Variants in PDCD11 observed in about 807,000 individuals in gnomAD.
PDCD11 encodes the protein protein RRP5 homolog.
A neutral mutation model predicts 198.9 loss-of-function variants in PDCD11; 97 were observed. The observed-to-expected ratio is 0.49, with a 90% CI of 0.41 to 0.58. The LOEUF (loss-of-function observed/expected upper bound fraction) is 0.58, where lower values mean the gene tolerates loss of function less well. Ranked by LOEUF, PDCD11 falls within the 20% of genes least tolerant of loss-of-function variation. The pLI is 0.00. For missense variants in PDCD11, 2,102 were observed against 2,312.7 expected, an observed-to-expected ratio of 0.91 and a Z score of 1.87; for synonymous variants, 893 against 918.0, an observed-to-expected ratio of 0.97 and a Z score of 0.49.
In PDCD11 at chr10:103,413,237, T is replaced by C. The variant is rs768310017; in HGVS notation, c.1100T>C (p.Val367Ala). Residue 367 changes from valine (V) to alanine (A), a missense_variant, in exon 9 of 36, where the codon GTG (valine) becomes GCG (alanine). Transcript: ENST00000369797. ...CTCTCTTGCCAGAACCTTGGAGCAGTGCTGGATGATGTTCCTGTCCAGGGT... is the reference window on the plus strand; with the variant it reads ...CTCTCTTGCCAGAACCTTGGAGCAGCGCTGGATGATGTTCCTGTCCAGGGT... The part of the protein sequence containing the change: ...TRLSCQNLGA[V>A]LDDVPVQGFF... 1.9e-6 allele frequency: 3 copies of C among 1,614,020 alleles called. No individual in the cohort carries two copies. Among genetic ancestry groups the C allele is most frequent in the Non-Finnish European group, 2.5e-6 (3 of 1,180,010 alleles).
At position 103,413,953 on chromosome 10, in the gene PDCD11, T is replaced by G. The variant is rs2030950735; in HGVS notation, c.1186-13T>G. Reference sequence around the variant, plus strand: ...TGTCCCTGGCTTATCCTCAATCACTTGGTACTTTGCAGCTCAGCCATCTCT... The same window carrying G: ...TGTCCCTGGCTTATCCTCAATCACTGGGTACTTTGCAGCTCAGCCATCTCT... On this transcript the variant is annotated splice_polypyrimidine_tract_variant and intron_variant, in intron 9 of 35. Coordinates refer to ENST00000369797, the MANE Select transcript of PDCD11 (RefSeq NM_014976.2). The G allele has an allele frequency of 3.7e-6, 6 of 1,603,784 alleles. No homozygotes were observed. The highest frequency in any genetic ancestry group is 1.1e-5 in the South Asian group (1 of 89,470).
In PDCD11 at chr10:103,417,806, C is replaced by T. The variant is rs1194268294; in HGVS notation, c.1785C>T (p.Val595=). 13 of 1,613,618 alleles carry T rather than the reference C, an allele frequency of 8.1e-6. No individual in the cohort carries two copies. Among genetic ancestry groups the T allele is most frequent in the East Asian group, 4.5e-5 (2 of 44,868 alleles). Residue 595 remains valine (V), a synonymous_variant, in exon 14 of 36, where the codon GTC becomes GTT. Transcript: ENST00000369797. ...VFYTGQVVKV[V]VLNCEPSKER... ...TTTCTTGCCAGGTGGTGAAGGTTGT[C>T]GTATTGAACTGTGAGCCATCCAAAG...
chr10:103,442,577 A>AGG, intron 32 of PDCD11, 117 bp downstream of exon 32: 2 of 1,114,372 alleles, frequency 1.8e-6, no homozygotes, highest in Admixed American at 4.3e-5. Context: ...GGCTGCCACC[A>AGG]GGGGCCCATG....
At chr10:103,444,423 C>T in intron 34 of PDCD11, 94 bp from the exon 35 acceptor site, 1 of 1,230,334 alleles carries the variant, frequency 8.1e-7, no homozygotes, top group Non-Finnish European at 1.2e-6. Flanking sequence ...GACCCAAGAG[C>T]AGGGAGTCAG....
intron 35 of PDCD11, among the ~76,000 whole-genome samples, chr10:103,445,067 C>T (rs990963692): frequency 2.0e-5 from 3 of 152,204 alleles, no homozygotes; most frequent in Admixed American, 6.5e-5. Context: ...CCAAGCCCTT[C>T]ACTATGTATG....
intron 3 of PDCD11, among the ~76,000 whole-genome samples, chr10:103,402,788 C>A (rs555644309): frequency 2.0e-5 from 3 of 152,322 alleles, no homozygotes. Flanking sequence ...GTTGCCAAGG[C>A]TGGAGTGCAG....
chr10:103,414,560 T>C lies in PDCD11; in HGVS notation c.1371+230T>C, dbSNP rs141953936. On this transcript the variant is annotated intron_variant, in intron 11 of 35. Coordinates refer to ENST00000369797, the MANE Select transcript of PDCD11 (RefSeq NM_014976.2). ...CTACACAAAGGCAGTAGATCATAAATCCTGAGATTTGGGATTTGATGGTGG... is the reference window on the plus strand; with the variant it reads ...CTACACAAAGGCAGTAGATCATAAACCCTGAGATTTGGGATTTGATGGTGG... Among the ~76,000 whole-genome samples, 16 of 152,314 alleles carry C rather than the reference T, an allele frequency of 1.1e-4. No individual in the cohort carries two copies. The East Asian group carries it at 3.1e-3, about 29-fold the overall frequency.
rs778644899 is a variant in PDCD11, at chr10:103,405,037, C to T, written c.418C>T (p.Pro140Ser). 6.8e-6 allele frequency: 11 copies of T among 1,613,792 alleles called. No individual in the cohort carries two copies. The highest frequency in any genetic ancestry group is 1.3e-5 in the African/African-American group (1 of 74,884). Residue 140 changes from proline to serine, a missense_variant, in exon 5 of 36, where the codon CCT becomes TCT. By Grantham distance (74) the Pro-to-Ser change is moderately conservative. Transcript: ENST00000369797. ...EQPLKDLLHL[P>S]ELFSPGMLVR... The stretch of plus-strand genomic sequence containing the variant: ...TGTTATGCAGGACCTACTTCACTTG[C>T]CTGAACTTTTCTCACCTGGAATGCT...
At chr10:103,430,383 G>A (rs192147904) in intron 21 of PDCD11, among the ~76,000 whole-genome samples, 1 of 152,340 alleles carries the variant, frequency 6.6e-6, no homozygotes, top group East Asian at 1.9e-4. Context: ...CATTTAGGTT[G>A]CTTGTGCCTC....
chr10:103,417,652 T>A (rs967514099), intron 13 of PDCD11, 140 bp from the exon 14 acceptor site: 1 of 850,302 alleles, frequency 1.2e-6, no homozygotes, highest in Non-Finnish European at 1.9e-6. Context: ...TCAGTGCATT[T>A]CTTCTTTTCA....
chr10:103,421,316 T>C (rs1195026075), intron 16 of PDCD11, 32 bp from the exon 17 acceptor site: 3 of 1,540,888 alleles, frequency 1.9e-6, no homozygotes, highest in Non-Finnish European at 2.7e-6. Context: ...AGACCTTTCC[T>C]CTTCTCATCT....
chr10:103,428,286 C>A (rs1161288722), intron 21 of PDCD11, among the ~76,000 whole-genome samples: 1 of 144,710 alleles, frequency 6.9e-6, no homozygotes, highest in Admixed American at 7.0e-5. Context: ...GCCTGGGCAA[C>A]AAGAGCGAAA....
In PDCD11 at chr10:103,409,780, G is replaced by A. The variant is rs1466297105; in HGVS notation, c.952G>A (p.Ala318Thr). ...CTTTATGCACCTGGATCCCAAGAAA[G>A]CTGGAACATATTTCTCAAATCAGGC... ...VDFMHLDPKKAGTYFSNQAVR... is the reference protein window; with the variant it reads ...VDFMHLDPKKTGTYFSNQAVR... The change falls in exon 8 of 36, where the codon GCT becomes ACT. Residue 318 changes from alanine (A) to threonine (T), a missense_variant. Ala to Thr is a moderately conservative substitution (Grantham distance 58, BLOSUM62 0). Coordinates refer to ENST00000369797, the MANE Select transcript of PDCD11 (RefSeq NM_014976.2). 1 of 1,613,416 alleles carries A rather than the reference G, an allele frequency of 6.2e-7. No individual in the cohort carries two copies. Among genetic ancestry groups the A allele is most frequent in the Admixed American group, 1.7e-5 (1 of 60,016 alleles).
intron 7 of PDCD11, among the ~76,000 whole-genome samples, chr10:103,409,273 C>G (rs1370241548): frequency 6.6e-6 from 1 of 151,536 alleles, no homozygotes; most frequent in Non-Finnish European, 1.5e-5. Flanking sequence ...ATAAGGGTGA[C>G]TTGGCTTGCT....
intron 1 of PDCD11, 58 bp from the exon 2 acceptor site, chr10:103,398,358 C>G: frequency 9.3e-7 from 1 of 1,070,550 alleles, no homozygotes; most frequent in Non-Finnish European, 1.5e-6. Context: ...TTGATAACAC[C>G]TTTCTGAAAT....
chr10:103,438,134 A>G lies in PDCD11; in HGVS notation c.3902+63A>G, dbSNP rs953045310. On this transcript the variant is annotated intron_variant, in intron 26 of 35. Transcript: ENST00000369797. ...ACCCACTCAGGATCAAGGGGAGGCT[A>G]CGTGTATCTGACACAGAATTTTGGG... 3.6e-6 allele frequency: 5 copies of G among 1,370,976 alleles called. No homozygotes were observed. The African/African-American group carries it at 4.3e-5, about 12-fold the overall frequency. The allele number at this position is 1,370,976 out of a possible 1,614,324, so 84.9% of individuals were successfully genotyped here. A position where few individuals can be genotyped will look rare whatever the true frequency, so the allele number is the denominator to read the frequency against.
chr10:103,419,202 G>A (rs953357338), intron 15 of PDCD11, among the ~76,000 whole-genome samples: 2 of 152,170 alleles, frequency 1.3e-5, no homozygotes, highest in African/African-American at 2.4e-5. Context: ...AGACCAGGGG[G>A]ATGAGCCATC....
At chr10:103,418,351 G>A in intron 14 of PDCD11, 89 bp from the exon 15 acceptor site, 6 of 1,072,090 alleles carry the variant, frequency 5.6e-6, no homozygotes, top group Non-Finnish European at 8.3e-6. Context: ...TGGTGCCGGA[G>A]TTTAATGCCT....
intron 5 of PDCD11, 76 bp from the exon 6 acceptor site, chr10:103,405,909 C>G: frequency 6.7e-7 from 1 of 1,501,182 alleles, no homozygotes; most frequent in East Asian, 2.3e-5. Context: ...GTGGCAGGAA[C>G]ATTCAAGTTT....
Sources: gnomAD v4.1 joint callset for allele counts (sites outside exome capture counted in the v4.1 genomes callset) on GRCh38, gnomAD v4.1.1 for gene constraint, MANE v1.5 for transcripts, NCBI Gene and HGNC (gene_info 2026-07-23, HGNC 2026-07-21) for gene names.